MACROD2: variants seen among roughly 807,000 people sequenced by gnomAD.
MACROD2 encodes the protein mono-ADP ribosylhydrolase 2, also known as ADP-ribose glycohydrolase MACROD2.
A neutral mutation model predicts 70.4 loss-of-function variants in MACROD2; 36 were observed. That is an observed-to-expected ratio of 0.51 (90% CI 0.39 to 0.68). The LOEUF (loss-of-function observed/expected upper bound fraction) is 0.68, where lower values mean the gene tolerates loss of function less well. MACROD2 is among the 30% of genes least tolerant of loss of function. The probability of loss-of-function intolerance (pLI) is 0.00; values close to 1 mark genes in which losing one functional copy is unlikely to be tolerated. For synonymous variants in MACROD2, 172 were observed against 178.8 expected, an observed-to-expected ratio of 0.96 and a Z score of 0.30; for missense variants, 496 against 538.4, an observed-to-expected ratio of 0.92 and a Z score of 0.78.
chr20:15,535,920 T>C (rs1007699970), intron 8 of MACROD2, among the ~76,000 whole-genome samples: 1 of 152,210 alleles, frequency 6.6e-6, no homozygotes, highest in South Asian at 2.1e-4. Context: ...TGTTTCACAA[T>C]ATAAGACATG....
intron 5 of MACROD2, among the ~76,000 whole-genome samples, chr20:14,869,752 A>T (rs2073467246): frequency 6.6e-6 from 1 of 152,168 alleles, no homozygotes; most frequent in Non-Finnish European, 1.5e-5. Flanking sequence ...ATTTGCATAA[A>T]TATCTAAATT....
rs941425978 is a variant in MACROD2, at chr20:15,335,651, C to A, written c.541-95754C>A. On this transcript the variant is annotated intron_variant, in intron 6 of 17. Transcript: ENST00000684519. ...TTGCTAGTTTGCTCTAAAGATATTT[C>A]TGGCTGTGATAATGATTAATTTCAG... Among the ~76,000 whole-genome samples the A allele has an allele frequency of 5.9e-5, 9 of 151,682 alleles. No homozygotes were observed. The South Asian group carries it at 6.2e-4, about 10-fold the overall frequency.
At chr20:14,890,304 G>A (rs763541794) in intron 5 of MACROD2, among the ~76,000 whole-genome samples, 6 of 152,092 alleles carry the variant, frequency 3.9e-5, no homozygotes, top group Non-Finnish European at 7.4e-5. Context: ...AAAAGAGGAT[G>A]GAGGTCTGAG....
At chr20:15,774,840 C>A (rs1245614130) in intron 8 of MACROD2, among the ~76,000 whole-genome samples, 1 of 152,070 alleles carries the variant, frequency 6.6e-6, no homozygotes, top group Non-Finnish European at 1.5e-5. Flanking sequence ...TTTCTAAGAA[C>A]AATTACTATA....
intron 6 of MACROD2, among the ~76,000 whole-genome samples, chr20:15,253,630 A>G (rs971650437): frequency 1.3e-5 from 2 of 152,192 alleles, no homozygotes; most frequent in African/African-American, 4.8e-5. Flanking sequence ...CTGGACACTC[A>G]TAACTATGGG....
At chr20:15,854,954 AT>A (rs1335158294) in intron 8 of MACROD2, among the ~76,000 whole-genome samples, 1 of 152,124 alleles carries the variant, frequency 6.6e-6, no homozygotes, top group African/African-American at 2.4e-5. Flanking sequence ...GAGACTGTTG[AT>A]TTCTCTTTCA....
chr20:14,977,336 A>T (rs538525339), intron 5 of MACROD2, among the ~76,000 whole-genome samples: 19 of 148,882 alleles, frequency 1.3e-4, no homozygotes, highest in Non-Finnish European at 1.8e-4. Flanking sequence ...TGTAGCACCC[A>T]ACTTAGCTTC....
chr20:15,046,012 C>T (rs1355382922), intron 5 of MACROD2, among the ~76,000 whole-genome samples: 1 of 151,958 alleles, frequency 6.6e-6, no homozygotes, highest in Non-Finnish European at 1.5e-5. Context: ...CCAGCCTTCT[C>T]CTCTCTGTGG....
chr20:14,910,511 C>T (rs2074013635), intron 5 of MACROD2, among the ~76,000 whole-genome samples: 1 of 152,194 alleles, frequency 6.6e-6, no homozygotes, highest in African/African-American at 2.4e-5. Context: ...ATGAAGAATT[C>T]CAGCAGAAAG....
chr20:14,551,816 T>C (rs1279123390), intron 4 of MACROD2, among the ~76,000 whole-genome samples: 2 of 152,208 alleles, frequency 1.3e-5, no homozygotes, highest in Admixed American at 1.3e-4. Context: ...CAATTTTGAA[T>C]GGTGTTTTCC....
intron 5 of MACROD2, among the ~76,000 whole-genome samples, chr20:14,735,451 C>T (rs2071651976): frequency 6.6e-6 from 1 of 152,154 alleles, no homozygotes. Context: ...TACCTCTTCA[C>T]ACCCCTGATA....
At chr20:14,188,887 G>C (rs759059278) in intron 3 of MACROD2, among the ~76,000 whole-genome samples, 2 of 152,064 alleles carry the variant, frequency 1.3e-5, no homozygotes, top group African/African-American at 4.8e-5. Flanking sequence ...ACATTATTTA[G>C]AGCTATTTAT....
chr20:15,726,406 G>C (rs2050863557), intron 8 of MACROD2, among the ~76,000 whole-genome samples: 1 of 152,110 alleles, frequency 6.6e-6, no homozygotes, highest in African/African-American at 2.4e-5. Flanking sequence ...ATGTACATGT[G>C]TCTTTATGGT....
At chr20:15,770,270 A>G (rs1197520515) in intron 8 of MACROD2, among the ~76,000 whole-genome samples, 1 of 151,766 alleles carries the variant, frequency 6.6e-6, no homozygotes, top group Admixed American at 6.6e-5. Flanking sequence ...TCTTCTTTAT[A>G]TCTTCTGAGA....
intron 4 of MACROD2, among the ~76,000 whole-genome samples, chr20:14,540,796 G>A (rs1295736833): frequency 2.0e-5 from 3 of 152,146 alleles, no homozygotes; most frequent in Non-Finnish European, 4.4e-5. Context: ...CAACAGAGAG[G>A]TTCTTTAACT....
At chr20:15,680,431 A>G (rs913235775) in intron 8 of MACROD2, among the ~76,000 whole-genome samples, 1 of 152,192 alleles carries the variant, frequency 6.6e-6, no homozygotes, top group Admixed American at 6.5e-5. Flanking sequence ...CCTCAAGGAA[A>G]GGGACTGTCC....
chr20:14,002,690 A>G (rs2052749676), intron 2 of MACROD2, among the ~76,000 whole-genome samples: 1 of 152,042 alleles, frequency 6.6e-6, no homozygotes, highest in African/African-American at 2.4e-5. Context: ...AGCAAATGCT[A>G]TTAGAGATTT....
intron 8 of MACROD2, among the ~76,000 whole-genome samples, chr20:15,596,747 T>A (rs961406417): frequency 1.3e-5 from 2 of 152,222 alleles, no homozygotes; most frequent in African/African-American, 4.8e-5. Context: ...GGAGGAATTA[T>A]GAGGCCGGAG....
chr20:14,256,775 C>T (rs897326362), intron 3 of MACROD2, among the ~76,000 whole-genome samples: 1 of 152,150 alleles, frequency 6.6e-6, no homozygotes, highest in Non-Finnish European at 1.5e-5. Context: ...GTTCAATTTT[C>T]TAACTTCTCA....
Sources: allele counts gnomAD v4.1 joint callset (sites outside exome capture counted in the v4.1 genomes callset), GRCh38; gene constraint gnomAD v4.1.1; transcripts MANE v1.5; gene names NCBI Gene and HGNC (gene_info 2026-07-23, HGNC 2026-07-21).